ERCC4: variants seen among roughly 807,000 people sequenced by gnomAD.
ERCC4 encodes the protein ERCC excision repair 4, endonuclease catalytic subunit.
A neutral mutation model predicts 76.9 loss-of-function variants in ERCC4; 65 were observed. The observed-to-expected ratio is 0.84, with a 90% CI of 0.69 to 1.04. ERCC4 has a LOEUF of 1.04. ERCC4 is among the 50% of genes least tolerant of loss of function. The probability of loss-of-function intolerance (pLI) is 0.00; values close to 1 mark genes in which losing one functional copy is unlikely to be tolerated. For missense variants in ERCC4, 1,214 were observed against 1,128.2 expected (o/e 1.08, Z -1.09); for synonymous variants, 463 against 410.1 (o/e 1.13, Z -1.56).
At chr16:13,928,541 C>T (rs1043953147) in intron 4 of ERCC4, among the ~76,000 whole-genome samples, 3 of 152,066 alleles carry the variant, frequency 2.0e-5, no homozygotes, top group African/African-American at 4.8e-5. Context: ...TGGATGTCTA[C>T]AGGTAGAAGA....
intron 5 of ERCC4, 25 bp from the exon 6 acceptor site, chr16:13,932,132 T>C: frequency 6.2e-7 from 1 of 1,607,268 alleles, no homozygotes; most frequent in Non-Finnish European, 8.5e-7. Context: ...TTGATGGCAC[T>C]TTTTCTTTTA....
chr16:13,923,094 GA>G (rs767411360), intron 2 of ERCC4, among the ~76,000 whole-genome samples: 6 of 152,078 alleles, frequency 3.9e-5, no homozygotes, highest in Non-Finnish European at 8.8e-5. Context: ...ATTTTAGCTA[GA>G]ATTAAATAGA....
rs768270013 is a variant in ERCC4 at position 13,922,113 on chromosome 16, G to A, written c.290G>A (p.Arg97His). 2.0e-5 allele frequency: 33 copies of A among 1,613,460 alleles called. No individual in the cohort carries two copies. The highest frequency in any genetic ancestry group is 2.3e-5 in the Non-Finnish European group (27 of 1,179,546). ...RVTNEITSNS[R>H]YEVYTQGGVI... Reference sequence around the variant, plus strand: ...ACAAATGAAATCACAAGCAACAGTCGCTATGAAGTTTACACACAAGGTGGT... The same window carrying A: ...ACAAATGAAATCACAAGCAACAGTCACTATGAAGTTTACACACAAGGTGGT... The change falls in exon 2 of 11, where the codon CGC becomes CAC. Residue 97 changes from arginine to histidine, a missense_variant. Physicochemically the swap from Arg to His is conservative, Grantham distance 29 (BLOSUM62 0). Transcript: ENST00000311895.
chr16:13,926,925 A>G, intron 3 of ERCC4, 169 bp downstream of exon 3: 1 of 617,894 alleles, frequency 1.6e-6, no homozygotes, highest in Non-Finnish European at 2.8e-6. Flanking sequence ...ATAAATATGT[A>G]TTCACCAAGT....
rs781559890 is a variant in ERCC4 at position 13,935,443 on chromosome 16, TG to T, written c.1513del (p.Glu505LysfsTer14). On this transcript the variant is annotated frameshift_variant, in exon 8 of 11. Transcript: ENST00000311895. LOFTEE classifies it high-confidence loss of function. ...CAAATGGTAGGAAAACCTGAAGAAC[TG>T]GAAGAGGAAGGAGATGTCGAGGAAG... Reference protein sequence around the residue: ...LTQMVGKPEELEEEGDVEEGY... With the variant: ...LTQMVGKPEEXEEEGDVEEGY... 1 of 1,614,004 alleles carries T rather than the reference TG, an allele frequency of 6.2e-7. No homozygotes were observed. Among genetic ancestry groups the T allele is most frequent in the Non-Finnish European group, 8.5e-7 (1 of 1,179,998 alleles).
At chr16:13,947,416 C>T (rs1293249258) in intron 10 of ERCC4, among the ~76,000 whole-genome samples, 198 bp from the exon 11 acceptor site, 1 of 152,200 alleles carries the variant, frequency 6.6e-6, no homozygotes, top group Non-Finnish European at 1.5e-5. Context: ...TTCCTATTAG[C>T]TCGGTTTCCT....
intron 1 of ERCC4, among the ~76,000 whole-genome samples, chr16:13,921,817 G>A (rs2031981944): frequency 1.3e-5 from 2 of 152,154 alleles, no homozygotes; most frequent in Non-Finnish European, 2.9e-5. Context: ...AATGACTGAA[G>A]TGCAATTATT....
intron 6 of ERCC4, 196 bp from the exon 7 acceptor site, chr16:13,933,996 A>G (rs1397410320): frequency 1.9e-6 from 1 of 519,696 alleles, no homozygotes; most frequent in African/African-American, 1.9e-5. Context: ...AGCCATATTA[A>G]TGGTTTGAAG....
At chr16:13,946,235 G>A (rs568925950) in intron 10 of ERCC4, among the ~76,000 whole-genome samples, 1 of 152,252 alleles carries the variant, frequency 6.6e-6, no homozygotes, top group South Asian at 2.1e-4. Context: ...AATGCTTAAC[G>A]GAGATACATT....
chr16:13,947,097 T>C (rs1208289173), intron 10 of ERCC4, among the ~76,000 whole-genome samples: 1 of 152,200 alleles, frequency 6.6e-6, no homozygotes, highest in Non-Finnish European at 1.5e-5. Context: ...AGGTGGCTCA[T>C]GTGCATGTTA....
Position 13,937,974 on chromosome 16 carries a change from A to G in ERCC4, c.1904+116A>G, listed in dbSNP as rs970256123. The G allele has an allele frequency of 5.5e-6, 4 of 726,528 alleles. No homozygotes were observed. The African/African-American group carries it at 7.0e-5, about 13-fold the overall frequency. 45.0% of individuals were successfully genotyped at this position (726,528 alleles called of 1,614,324 possible). ...GGCAAGGAAGACGTTGGAGAGGATC[A>G]CATTGAGATAAACCTGTGGTCTGAA... On this transcript the variant is annotated intron_variant, in intron 9 of 10. Coordinates refer to ENST00000311895, the MANE Select transcript of ERCC4 (RefSeq NM_005236.3).
At chr16:13,923,915 G>GT (rs1355432042) in intron 2 of ERCC4, among the ~76,000 whole-genome samples, 2 of 152,058 alleles carry the variant, frequency 1.3e-5, no homozygotes, top group Non-Finnish European at 2.9e-5. Context: ...GTAATATCCT[G>GT]TGACTTTCAG....
chr16:13,937,999 A>AT, intron 9 of ERCC4, 141 bp downstream of exon 9: 1 of 679,390 alleles, frequency 1.5e-6, no homozygotes, highest in Non-Finnish European at 2.7e-6. Flanking sequence ...TGTGGTCTGA[A>AT]TTGTCCTCCA....
Position 13,948,231 on chromosome 16 carries a change from C to G in ERCC4, c.2635C>G (p.Leu879Val). The G allele has an allele frequency of 6.2e-7, 1 of 1,614,138 alleles. No homozygotes were observed. The highest frequency in any genetic ancestry group is 8.5e-7 in the Non-Finnish European group (1 of 1,180,030). ...HVKNIAELAA[L>V]SQDELTSILG... ...TAAGAACATCGCAGAATTAGCAGCC[C>G]TGTCACAAGACGAGCTCACGAGTAT... The change falls in exon 11 of 11, where the codon CTG (leucine) becomes GTG (valine). Residue 879 changes from leucine to valine, a missense_variant. By Grantham distance (32) the Leu-to-Val change is conservative. Coordinates refer to ENST00000311895, the MANE Select transcript of ERCC4 (RefSeq NM_005236.3).
chr16:13,941,216 ACCAGGT>A (rs1328795413), intron 9 of ERCC4, among the ~76,000 whole-genome samples: 8 of 152,334 alleles, frequency 5.3e-5, no homozygotes, highest in South Asian at 2.1e-4. Flanking sequence ...AAATTTCTGC[ACCAGGT>A]TTTAACATAA....
At chr16:13,944,565 C>T (rs1034869896) in intron 9 of ERCC4, among the ~76,000 whole-genome samples, 158 bp from the exon 10 acceptor site, 2 of 152,140 alleles carry the variant, frequency 1.3e-5, no homozygotes, top group African/African-American at 4.8e-5. Context: ...CATCATTTGT[C>T]TTGGCATATT....
At position 13,927,992 on chromosome 16, in the gene ERCC4, C is replaced by T. The variant is rs777165799; in HGVS notation, c.585-36C>T. The T allele has an allele frequency of 3.3e-6, 5 of 1,509,636 alleles. No homozygotes were observed. The African/African-American group carries it at 4.1e-5, about 12-fold the overall frequency. 93.5% of individuals were successfully genotyped at this position (1,509,636 alleles called of 1,614,324 possible). The stretch of plus-strand genomic sequence containing the variant: ...GACCAGAAATACATAGCTGCTGAAA[C>T]TCTAGAAAATTGTTGAAAAATATTT... On this transcript the variant is annotated intron_variant, in intron 3 of 10. Coordinates refer to ENST00000311895, the MANE Select transcript of ERCC4 (RefSeq NM_005236.3).
At position 13,947,801 on chromosome 16, in the gene ERCC4, T is replaced by C; in HGVS notation, c.2205T>C (p.Ser735=). 3.7e-6 allele frequency: 6 copies of C among 1,614,276 alleles called. No homozygotes were observed. The highest frequency in any genetic ancestry group is 5.1e-6 in the Non-Finnish European group (6 of 1,180,052). ...ERKSISDLIG[S]LNNGRLYSQC... is the part of the protein sequence containing the mutation. ...AGAGTATCAGTGATTTAATCGGCTC[T>C]TTAAATAACGGCCGCCTCTACAGCC... Residue 735 remains serine (S), a synonymous_variant, in exon 11 of 11, where the codon TCT becomes TCC. Coordinates refer to ENST00000311895, the MANE Select transcript of ERCC4 (RefSeq NM_005236.3).
intron 10 of ERCC4, among the ~76,000 whole-genome samples, chr16:13,946,519 T>A (rs1274714459): frequency 6.6e-6 from 1 of 152,250 alleles, no homozygotes; most frequent in East Asian, 1.9e-4. Context: ...ATATGCACTT[T>A]GTCATTGACC....
Sources: allele counts gnomAD v4.1 joint callset (sites outside exome capture counted in the v4.1 genomes callset), GRCh38; gene constraint gnomAD v4.1.1; transcripts MANE v1.5; gene names NCBI Gene and HGNC (gene_info 2026-07-23, HGNC 2026-07-21).